The following UBE4B variants were observed in gnomAD, a reference collection of about 807,000 sequenced individuals.
UBE4B encodes the protein ubiquitination factor E4B.
Under a neutral mutation model 148.1 loss-of-function variants are expected in UBE4B, and 27 were observed. The ratio of observed to expected loss-of-function variants is 0.18; its 90% CI spans 0.13 to 0.25. The LOEUF (loss-of-function observed/expected upper bound fraction) is 0.25, where lower values mean the gene tolerates loss of function less well. Ranked by LOEUF, UBE4B falls within the 10% of genes least tolerant of loss-of-function variation. UBE4B has a pLI of 1.00. For missense variants in UBE4B, 1,170 were observed against 1,662.4 expected (o/e 0.70, Z 5.15); for synonymous variants, 596 against 619.3 (o/e 0.96, Z 0.56).
At chr1:10,096,595 G>A (rs1644931448) in intron 3 of UBE4B, among the ~76,000 whole-genome samples, 1 of 152,108 alleles carries the variant, frequency 6.6e-6, no homozygotes, top group Non-Finnish European at 1.5e-5. Flanking sequence ...GGTGGCAGGC[G>A]CCTGTAATCT....
intron 1 of UBE4B, among the ~76,000 whole-genome samples, chr1:10,039,810 T>A (rs1209592339): frequency 6.6e-6 from 1 of 151,682 alleles, no homozygotes; most frequent in Non-Finnish European, 1.5e-5. Flanking sequence ...GGCAAGGGAG[T>A]AAAGGGTAGT....
At chr1:10,048,752 G>T (rs985995716) in intron 1 of UBE4B, among the ~76,000 whole-genome samples, 3 of 152,180 alleles carry the variant, frequency 2.0e-5, no homozygotes, top group African/African-American at 7.2e-5. Flanking sequence ...TTGCTGACTG[G>T]AGCAAGTTCA....
At chr1:10,153,553 G>A (rs1646015563) in intron 21 of UBE4B, among the ~76,000 whole-genome samples, 2 of 147,950 alleles carry the variant, frequency 1.4e-5, no homozygotes, top group African/African-American at 5.0e-5. Flanking sequence ...AGGCACAGTA[G>A]CTTACACTTG....
intron 25 of UBE4B, among the ~76,000 whole-genome samples, chr1:10,171,812 C>T (rs1047953484): frequency 1.3e-5 from 2 of 152,082 alleles, no homozygotes; most frequent in African/African-American, 4.8e-5. Flanking sequence ...ACCCAGGAGG[C>T]AGAGGTTTCA....
chr1:10,044,656 C>T (rs1489968200), intron 1 of UBE4B, among the ~76,000 whole-genome samples: 3 of 152,040 alleles, frequency 2.0e-5, no homozygotes, highest in African/African-American at 4.8e-5. Context: ...GATCTCAGCT[C>T]ACTGTAACTC....
chr1:10,168,262 C>T lies in UBE4B; in HGVS notation c.3325C>T (p.Leu1109Phe), dbSNP rs1339402125. 6.2e-7 allele frequency: 1 copy of T among 1,614,116 alleles called. No individual in the cohort carries two copies. Among genetic ancestry groups the T allele is most frequent in the Middle Eastern group, 1.6e-4 (1 of 6,062 alleles). ...ILTKQVQKPF[L>F]RPELGPRLAA... ...CACGAAGCAGGTCCAGAAGCCCTTCCTCAGACCGGTGAGTAGAAACCCGGG... is the reference window on the plus strand; with the variant it reads ...CACGAAGCAGGTCCAGAAGCCCTTCTTCAGACCGGTGAGTAGAAACCCGGG... The change falls in exon 24 of 28, where the codon CTC (leucine) becomes TTC (phenylalanine). Residue 1109 changes from leucine (L) to phenylalanine (F), a missense_variant. Leu to Phe is a conservative substitution (Grantham distance 22). Coordinates refer to ENST00000343090, the MANE Select transcript of UBE4B (RefSeq NM_001105562.3). This position sits in a 1 kb window ranked among gnomAD's most constrained non-coding sequence, Gnocchi z 4.9.
At chr1:10,056,409 T>C (rs1008944707) in intron 1 of UBE4B, among the ~76,000 whole-genome samples, 7 of 152,216 alleles carry the variant, frequency 4.6e-5, no homozygotes, top group African/African-American at 1.7e-4. Flanking sequence ...GTAAACACTT[T>C]TCATTTGTTC....
intron 1 of UBE4B, among the ~76,000 whole-genome samples, chr1:10,039,077 AAAAC>A (rs762125838): frequency 4.6e-5 from 7 of 150,892 alleles, no homozygotes; most frequent in Non-Finnish European, 1.0e-4. Flanking sequence ...AACAAACAAA[AAAAC>A]ACACACACAG....
At chr1:10,051,739 A>G (rs747945744) in intron 1 of UBE4B, among the ~76,000 whole-genome samples, 2 of 152,220 alleles carry the variant, frequency 1.3e-5, no homozygotes, top group Non-Finnish European at 2.9e-5. Flanking sequence ...AATGTTCTGC[A>G]TATCAGGACT....
chr1:10,089,503 G>GGAAAAAA (rs554810837), intron 2 of UBE4B, among the ~76,000 whole-genome samples: 2 of 134,532 alleles, frequency 1.5e-5, no homozygotes, highest in Non-Finnish European at 3.2e-5. Flanking sequence ...ACATGTCTCT[G>GGAAAAAA]AAAAAAAAAA....
At chr1:10,136,658 G>A (rs953841590) in intron 16 of UBE4B, among the ~76,000 whole-genome samples, 4 of 152,054 alleles carry the variant, frequency 2.6e-5, no homozygotes, top group Admixed American at 2.6e-4. Context: ...GGTGGCTCAC[G>A]CCTGTAATCC....
intron 25 of UBE4B, among the ~76,000 whole-genome samples, chr1:10,174,390 A>C (rs1277346545): frequency 1.7e-4 from 25 of 143,424 alleles, no homozygotes; most frequent in African/African-American, 5.2e-4. Context: ...AAGACTCCAT[A>C]TCAAAAAAAA....
intron 25 of UBE4B, among the ~76,000 whole-genome samples, chr1:10,177,808 A>C (rs1329879045): frequency 6.6e-6 from 1 of 152,164 alleles, no homozygotes; most frequent in East Asian, 1.9e-4. Flanking sequence ...AAACTACAGC[A>C]TACTTTACTG....
intron 2 of UBE4B, among the ~76,000 whole-genome samples, chr1:10,087,602 G>A (rs1644784786): frequency 6.6e-6 from 1 of 152,192 alleles, no homozygotes; most frequent in Non-Finnish European, 1.5e-5. Context: ...GATAAGACTG[G>A]GGTTGTGGGT....
intron 25 of UBE4B, among the ~76,000 whole-genome samples, chr1:10,173,906 C>T (rs1646375513): frequency 6.6e-6 from 1 of 152,202 alleles, no homozygotes; most frequent in African/African-American, 2.4e-5. Flanking sequence ...GTTTGGTGAC[C>T]AACCACACAT....
At position 10,170,302 on chromosome 1, in the gene UBE4B, ACAGTGAAATACAGGAGTAC is replaced by A. The variant is rs1257175789; in HGVS notation, c.3334-835_3334-817del. The stretch of plus-strand genomic sequence containing the variant: ...GACTCTTTTATTTCACAGCTTCTCA[ACAGTGAAATACAGGAGTAC>A]TCTGTGCAAAAGCAAATTCTTGAAA... On this transcript the variant is annotated intron_variant, in intron 24 of 27. Coordinates refer to ENST00000343090, the MANE Select transcript of UBE4B (RefSeq NM_001105562.3). Among the ~76,000 whole-genome samples the A allele has an allele frequency of 2.6e-5, 4 of 152,330 alleles. No individual in the cohort carries two copies. The East Asian group carries it at 5.8e-4, about 22-fold the overall frequency.
chr1:10,173,171 T>C (rs1187766454), intron 25 of UBE4B, among the ~76,000 whole-genome samples: 1 of 152,130 alleles, frequency 6.6e-6, no homozygotes, highest in Non-Finnish European at 1.5e-5. Context: ...TTTTAGTTAC[T>C]TGTAGATGTT....
At chr1:10,178,975 CAT>C (rs1162641247) in intron 26 of UBE4B, 157 bp downstream of exon 26, 4 of 769,348 alleles carry the variant, frequency 5.2e-6, no homozygotes, top group Non-Finnish European at 7.6e-6. Flanking sequence ...ATTTTTAGCT[CAT>C]ATTGTAAATT....
chr1:10,063,610 A>C (rs1377377677), intron 1 of UBE4B, among the ~76,000 whole-genome samples: 3 of 152,040 alleles, frequency 2.0e-5, no homozygotes, highest in South Asian at 4.1e-4. Flanking sequence ...ATTTGTTTTA[A>C]AAGGTACATC....
Sources: gnomAD v4.1 joint callset for allele counts (sites outside exome capture counted in the v4.1 genomes callset) on GRCh38, gnomAD v4.1.1 for gene constraint, Gnocchi (gnomAD v3.1) non-coding constraint, MANE v1.5 for transcripts, NCBI Gene and HGNC (gene_info 2026-07-23, HGNC 2026-07-21) for gene names.